Variants in PITPNC1 observed in about 807,000 individuals in gnomAD.
The protein encoded by PITPNC1 is phosphatidylinositol transfer protein cytoplasmic 1.
In PITPNC1, 18 loss-of-function variants were observed where a neutral mutation model predicts 44.7. The ratio of observed to expected loss-of-function variants is 0.40; its 90% CI spans 0.28 to 0.60. The LOEUF is 0.60. Ranked by LOEUF, PITPNC1 falls within the 20% of genes least tolerant of loss-of-function variation. PITPNC1 has a pLI of 0.39. For synonymous variants in PITPNC1, 141 were observed against 149.6 expected (o/e 0.94, Z 0.42); for missense variants, 290 against 418.4 (o/e 0.69, Z 2.68).
chr17:67,626,498 T>C (rs1255335580), intron 5 of PITPNC1, among the ~76,000 whole-genome samples: 1 of 152,158 alleles, frequency 6.6e-6, no homozygotes, highest in Non-Finnish European at 1.5e-5. Context: ...GCCTCCCTAG[T>C]AGCTGGGATT....
chr17:67,442,391 T>C (rs1299781286), intron 1 of PITPNC1, among the ~76,000 whole-genome samples: 1 of 150,510 alleles, frequency 6.6e-6, no homozygotes, highest in Non-Finnish European at 1.5e-5. Flanking sequence ...GCCCGCCCAG[T>C]GGATGAGGTG....
intron 5 of PITPNC1, among the ~76,000 whole-genome samples, chr17:67,596,110 A>G (rs1168258351): frequency 1.3e-5 from 2 of 152,214 alleles, no homozygotes; most frequent in African/African-American, 2.4e-5. Context: ...ACTCAACATC[A>G]CCTTGGTTGG....
At chr17:67,522,890 C>T (rs2040346771) in intron 1 of PITPNC1, among the ~76,000 whole-genome samples, 1 of 151,734 alleles carries the variant, frequency 6.6e-6, no homozygotes, top group Non-Finnish European at 1.5e-5. Flanking sequence ...GGGTGGTCAC[C>T]AACTCTTGGG....
chr17:67,454,164 T>C (rs1188132941), intron 1 of PITPNC1, among the ~76,000 whole-genome samples: 3 of 151,546 alleles, frequency 2.0e-5, no homozygotes, highest in African/African-American at 7.3e-5. Flanking sequence ...GGCAGGAGAA[T>C]CGCTTGAACA....
At chr17:67,660,606 C>T (rs1415204152) in intron 6 of PITPNC1, among the ~76,000 whole-genome samples, 1 of 141,974 alleles carries the variant, frequency 7.0e-6, no homozygotes, top group Non-Finnish European at 1.5e-5. Context: ...AGTGCAGTGG[C>T]ATGATCTCAG....
chr17:67,616,477 C>A (rs2041758997), intron 5 of PITPNC1, among the ~76,000 whole-genome samples: 1 of 152,108 alleles, frequency 6.6e-6, no homozygotes, highest in Non-Finnish European at 1.5e-5. Context: ...TCTAGGGCAC[C>A]TGATTAGAAC....
At chr17:67,687,059 C>G (rs2042829297) in intron 8 of PITPNC1, 1 of 1,548,502 alleles carries the variant, frequency 6.5e-7, no homozygotes, top group Admixed American at 1.7e-5. Context: ...ATCTTGACCT[C>G]TTTCAGATAT....
chr17:67,631,673 A>ATATATAT lies in PITPNC1; in HGVS notation c.367-470_367-469insTATATAT, dbSNP rs1380540532. Among the ~76,000 whole-genome samples the ATATATAT allele has an allele frequency of 4.6e-3, 240 of 52,450 alleles. 19 individuals carry two copies. Among genetic ancestry groups the ATATATAT allele is most frequent in the South Asian group, 0.023 (35 of 1,492 alleles). 34.4% of individuals were successfully genotyped at this position (52,450 alleles called of 152,430 possible). A position where few individuals can be genotyped will look rare whatever the true frequency, so the allele number is the denominator to read the frequency against. ...AAAAAAAAAAATATATATATATATAAAATATATATTTTTAACATATATATA... is the reference window on the plus strand; with the variant it reads ...AAAAAAAAAAATATATATATATATAATATATATAATATATATTTTTAACATATATATA... On this transcript the variant is annotated intron_variant, in intron 5 of 8. Transcript: ENST00000581322.
At chr17:67,381,120 G>A (rs1311161395) in intron 1 of PITPNC1, among the ~76,000 whole-genome samples, 1 of 152,052 alleles carries the variant, frequency 6.6e-6, no homozygotes, top group Non-Finnish European at 1.5e-5. Context: ...GAGGTCAGGA[G>A]ATCGAGACCA....
rs544293832 is a variant in PITPNC1, at chr17:67,432,453, G to A, written c.48+54251G>A. Reference sequence around the variant, plus strand: ...CAGTGAGCCGAGCTTGCAGTGAGCCGAGATTGCACCACTGCACTCCAGCAT... The same window carrying A: ...CAGTGAGCCGAGCTTGCAGTGAGCCAAGATTGCACCACTGCACTCCAGCAT... On this transcript the variant is annotated intron_variant, in intron 1 of 8. Transcript: ENST00000581322. Among the ~76,000 whole-genome samples the A allele has an allele frequency of 5.3e-5, 8 of 152,232 alleles. No homozygotes were observed. The South Asian group carries it at 8.3e-4, about 16-fold the overall frequency.
chr17:67,604,549 C>T (rs147613402), intron 5 of PITPNC1, among the ~76,000 whole-genome samples: 7,851 of 152,140 alleles, frequency 0.052, 258 homozygotes, highest in Admixed American at 0.11. Flanking sequence ...TTGGGAGGCC[C>T]AGGCGGGTGG....
chr17:67,621,075 C>T (rs2041822352), intron 5 of PITPNC1, among the ~76,000 whole-genome samples: 1 of 152,128 alleles, frequency 6.6e-6, no homozygotes, highest in African/African-American at 2.4e-5. Flanking sequence ...TCTCTTGTAT[C>T]ACCCCTGCTG....
intron 1 of PITPNC1, among the ~76,000 whole-genome samples, chr17:67,503,425 G>C (rs954747377): frequency 6.6e-6 from 1 of 152,184 alleles, no homozygotes; most frequent in African/African-American, 2.4e-5. Flanking sequence ...CCAGTGGCCT[G>C]GTTCCATCTT....
intron 7 of PITPNC1, among the ~76,000 whole-genome samples, chr17:67,673,946 G>T (rs1417261203): frequency 2.2e-5 from 3 of 138,796 alleles, no homozygotes; most frequent in African/African-American, 5.4e-5. Context: ...CAGCCTAGGG[G>T]ACAGAGCGAG....
intron 1 of PITPNC1, among the ~76,000 whole-genome samples, chr17:67,460,846 G>A (rs2039327369): frequency 6.8e-6 from 1 of 147,124 alleles, no homozygotes; most frequent in African/African-American, 2.5e-5. Flanking sequence ...TCAGATTCAA[G>A]TGATTCTCCT....
chr17:67,518,754 C>T (rs542241260), intron 1 of PITPNC1, among the ~76,000 whole-genome samples: 1 of 152,240 alleles, frequency 6.6e-6, no homozygotes, highest in African/African-American at 2.4e-5. Context: ...TGAGACTAGC[C>T]TGGGCAACAT....
intron 1 of PITPNC1, among the ~76,000 whole-genome samples, chr17:67,522,657 A>ATTTTTTTTTTTTTTTTTTTT (rs1219049449): frequency 1.7e-5 from 1 of 59,968 alleles, no homozygotes; most frequent in African/African-American, 1.0e-4. Context: ...TACCATTTTA[A>ATTTTTTTTTTTTTTTTTTTT]TCTTTTTTTT....
intron 1 of PITPNC1, among the ~76,000 whole-genome samples, chr17:67,414,770 A>G: frequency 6.6e-6 from 1 of 152,236 alleles, no homozygotes; most frequent in East Asian, 1.9e-4. Flanking sequence ...CCATGTCAAT[A>G]GAGAATATCT....
intron 1 of PITPNC1, among the ~76,000 whole-genome samples, chr17:67,450,185 C>A (rs2039155407): frequency 6.6e-6 from 1 of 152,142 alleles, no homozygotes; most frequent in Non-Finnish European, 1.5e-5. Flanking sequence ...ATGAATCTTG[C>A]AGTATTTTTC....
Sources: gnomAD v4.1 joint callset for allele counts (sites outside exome capture counted in the v4.1 genomes callset) on GRCh38, gnomAD v4.1.1 for gene constraint, MANE v1.5 for transcripts, NCBI Gene and HGNC (gene_info 2026-07-23, HGNC 2026-07-21) for gene names.